PRKG1: variants seen among roughly 807,000 people sequenced by gnomAD.
The protein encoded by PRKG1 is cGMP-dependent protein kinase 1.
A neutral mutation model predicts 88.1 loss-of-function variants in PRKG1; 35 were observed. The ratio of observed to expected loss-of-function variants is 0.40; its 90% CI spans 0.30 to 0.53. The LOEUF (loss-of-function observed/expected upper bound fraction) is 0.53. PRKG1 is among the 20% of genes least tolerant of loss of function. The probability of loss-of-function intolerance (pLI) is 0.59; values close to 1 mark genes in which losing one functional copy is unlikely to be tolerated. For missense variants in PRKG1, 540 were observed against 839.8 expected, an observed-to-expected ratio of 0.64 and a Z score of 4.41; for synonymous variants, 303 against 292.5, an observed-to-expected ratio of 1.04 and a Z score of -0.37.
At chr10:51,708,463 T>C (rs1038329582) in intron 3 of PRKG1, among the ~76,000 whole-genome samples, 3 of 152,174 alleles carry the variant, frequency 2.0e-5, no homozygotes, top group Non-Finnish European at 2.9e-5. Flanking sequence ...TGGGTAATTG[T>C]TGGCATTCAG....
intron 2 of PRKG1, among the ~76,000 whole-genome samples, chr10:51,437,919 T>C (rs779976610): frequency 4.6e-5 from 7 of 151,126 alleles, no homozygotes; most frequent in Non-Finnish European, 8.9e-5. Flanking sequence ...TACAATGGAA[T>C]TGTCTAACCC....
rs1204130226 is a variant in PRKG1 at position 52,296,847 on chromosome 10, G to T, written c.*2947G>T. 1 of 152,064 alleles carries T rather than the reference G, an allele frequency of 6.6e-6. No homozygotes were observed. The highest frequency in any genetic ancestry group is 1.5e-5 in the Non-Finnish European group (1 of 67,954). The allele number at this position is 152,064 out of a possible 1,614,324, so 9.4% of individuals were successfully genotyped here. A position where few individuals can be genotyped will look rare whatever the true frequency, so the allele number is the denominator to read the frequency against. On this transcript the variant is annotated 3_prime_UTR_variant, in exon 18 of 18. Coordinates refer to ENST00000373980, the MANE Select transcript of PRKG1 (RefSeq NM_006258.4). The stretch of plus-strand genomic sequence containing the variant: ...TTATTAAGACATGAATCAGATCCAT[G>T]TGGCATTCAAAACAAATTTATTTTG...
chr10:51,091,674 A>G (rs1216247610), intron 1 of PRKG1, among the ~76,000 whole-genome samples: 1 of 152,158 alleles, frequency 6.6e-6, no homozygotes, highest in Non-Finnish European at 1.5e-5. Context: ...TTTTGTGCCT[A>G]GATCTGGTAT....
At chr10:51,117,802 C>A (rs145803399) in intron 1 of PRKG1, among the ~76,000 whole-genome samples, 1 of 152,172 alleles carries the variant, frequency 6.6e-6, no homozygotes, top group Non-Finnish European at 1.5e-5. Flanking sequence ...CAGCTCTCAA[C>A]GGAGTAAAGA....
intron 3 of PRKG1, among the ~76,000 whole-genome samples, chr10:51,758,559 A>T (rs1837931525): frequency 6.6e-6 from 1 of 152,108 alleles, no homozygotes; most frequent in South Asian, 2.1e-4. Flanking sequence ...GAAGCAAACT[A>T]GTCTTGGTTT....
intron 4 of PRKG1, among the ~76,000 whole-genome samples, chr10:51,881,793 A>C (rs112892020): frequency 0.013 from 1,914 of 152,314 alleles, 49 homozygotes; most frequent in African/African-American, 0.044. Flanking sequence ...TAAATATAGC[A>C]TATTTGAAAT....
At chr10:51,267,065 G>C (rs1839854797) in intron 2 of PRKG1, among the ~76,000 whole-genome samples, 2 of 152,120 alleles carry the variant, frequency 1.3e-5, no homozygotes, top group Non-Finnish European at 1.5e-5. Flanking sequence ...ACCATGATTA[G>C]CATTGCTGAA....
chr10:52,060,257 A>G (rs1846206766), intron 6 of PRKG1, among the ~76,000 whole-genome samples: 2 of 151,962 alleles, frequency 1.3e-5, no homozygotes, highest in Admixed American at 1.3e-4. Flanking sequence ...TGGCAGTTTC[A>G]GATGTAAATG....
At position 52,224,246 on chromosome 10, in the gene PRKG1, A is replaced by T. The variant is rs1840322093; in HGVS notation, c.1077-27324A>T. The stretch of plus-strand genomic sequence containing the variant: ...CACTATAACTGTCTTGCTAATTGTA[A>T]CACATATCAGACAGACTTCTGCTCC... On this transcript the variant is annotated intron_variant, in intron 9 of 17. Transcript: ENST00000373980. Among the ~76,000 whole-genome samples the T allele has an allele frequency of 2.0e-5, 3 of 151,890 alleles. No homozygotes were observed. In the South Asian group the frequency reaches 6.2e-4, roughly 32 times the overall value.
intron 1 of PRKG1, among the ~76,000 whole-genome samples, chr10:51,118,562 T>A (rs1005518239): frequency 6.6e-6 from 1 of 152,148 alleles, no homozygotes; most frequent in African/African-American, 2.4e-5. Flanking sequence ...GTACTAAATG[T>A]TTTCCATGAA....
chr10:51,357,157 A>T (rs1416106500), intron 2 of PRKG1, among the ~76,000 whole-genome samples: 1 of 151,992 alleles, frequency 6.6e-6, no homozygotes, highest in Non-Finnish European at 1.5e-5. Flanking sequence ...ATAGACATAC[A>T]TGGCAGCAGG....
At chr10:51,234,667 G>T (rs1479454565) in intron 2 of PRKG1, among the ~76,000 whole-genome samples, 1 of 151,782 alleles carries the variant, frequency 6.6e-6, no homozygotes, top group Non-Finnish European at 1.5e-5. Context: ...GCAGTAGCAG[G>T]AAATCTAGAA....
intron 2 of PRKG1, among the ~76,000 whole-genome samples, chr10:51,239,094 T>C (rs976424075): frequency 5.3e-5 from 8 of 152,220 alleles, no homozygotes; most frequent in Non-Finnish European, 1.2e-4. Context: ...CTAAATAATA[T>C]TACAAGATTG....
chr10:51,492,270 C>T (rs1033045699), intron 3 of PRKG1, among the ~76,000 whole-genome samples: 5 of 152,106 alleles, frequency 3.3e-5, no homozygotes, highest in Admixed American at 6.6e-5. Flanking sequence ...GATGCTAACA[C>T]GTAGAATGTT....
At chr10:51,485,489 C>T (rs1840505938) in intron 3 of PRKG1, among the ~76,000 whole-genome samples, 1 of 152,120 alleles carries the variant, frequency 6.6e-6, no homozygotes, top group South Asian at 2.1e-4. Context: ...ACAAGCCTCA[C>T]TCAGTATATG....
chr10:51,718,559 A>G (rs532670929), intron 3 of PRKG1, among the ~76,000 whole-genome samples: 2 of 152,302 alleles, frequency 1.3e-5, no homozygotes, highest in South Asian at 4.1e-4. Context: ...TAGAATTTCT[A>G]TCTTTGAAAG....
At chr10:51,644,064 C>T (rs1305363704) in intron 3 of PRKG1, among the ~76,000 whole-genome samples, 1 of 152,112 alleles carries the variant, frequency 6.6e-6, no homozygotes, top group Non-Finnish European at 1.5e-5. Flanking sequence ...AGATGAGTTC[C>T]CTGTTACTCT....
Position 52,280,849 on chromosome 10 carries a change from C to T in PRKG1, c.1464C>T (p.Ala488=). The T allele has an allele frequency of 1.9e-6, 3 of 1,613,220 alleles. No individual in the cohort carries two copies. In the South Asian group the frequency reaches 3.3e-5, roughly 18 times the overall value. Reference sequence around the variant, plus strand: ...CAGCATGTGTGGTAGAAGCTTTTGCCTATCTGCATTCCAAAGGAATCATTT... The same window carrying T: ...CAGCATGTGTGGTAGAAGCTTTTGCTTATCTGCATTCCAAAGGAATCATTT... The part of the protein sequence containing the change: ...FYTACVVEAF[A]YLHSKGIIYR... Residue 488 remains alanine, a synonymous_variant, in exon 13 of 18, where the codon GCC becomes GCT. Coordinates refer to ENST00000373980, the MANE Select transcript of PRKG1 (RefSeq NM_006258.4).
At chr10:51,569,835 G>A (rs1297809926) in intron 3 of PRKG1, among the ~76,000 whole-genome samples, 1 of 151,826 alleles carries the variant, frequency 6.6e-6, no homozygotes, top group African/African-American at 2.4e-5. Flanking sequence ...GTGAAATAAT[G>A]CATATAAATG....
Sources: gnomAD v4.1 joint callset for allele counts (sites outside exome capture counted in the v4.1 genomes callset) on GRCh38, gnomAD v4.1.1 for gene constraint, MANE v1.5 for transcripts, NCBI Gene and HGNC (gene_info 2026-07-23, HGNC 2026-07-21) for gene names.